The following ANK3 variants were observed in gnomAD, a reference collection of about 807,000 sequenced individuals.
ANK3 encodes ankyrin-3.
ANK3 carries 57 observed loss-of-function variants against 370.9 expected under a neutral mutation model. The observed-to-expected ratio is 0.15, with a 90% CI of 0.12 to 0.19. ANK3 has a LOEUF of 0.19. Among genes scored for constraint, ANK3 ranks in the 10% least tolerant of loss-of-function variants. The pLI is 1.00. For synonymous variants in ANK3, 1,929 were observed against 1,946.3 expected, an observed-to-expected ratio of 0.99 and a Z score of 0.23; for missense variants, 4,439 against 5,302.1, an observed-to-expected ratio of 0.84 and a Z score of 5.06.
chr10:60,102,138 G>A (rs569039346), intron 28 of ANK3, among the ~76,000 whole-genome samples: 2 of 149,946 alleles, frequency 1.3e-5, no homozygotes, highest in African/African-American at 4.9e-5. Context: ...GTGCCCACTT[G>A]GGGTGTATAC....
At chr10:60,542,957 AG>A (rs2076883060) in intron 2 of ANK3, among the ~76,000 whole-genome samples, 2 of 152,132 alleles carry the variant, frequency 1.3e-5, no homozygotes, top group African/African-American at 2.4e-5. Flanking sequence ...GCTTGTCCTT[AG>A]TATGGTTTTG....
At chr10:60,409,655 TCTC>T (rs2063520898) in intron 2 of ANK3, among the ~76,000 whole-genome samples, 1 of 152,018 alleles carries the variant, frequency 6.6e-6, no homozygotes, top group Non-Finnish European at 1.5e-5. Flanking sequence ...CTTTGGGACT[TCTC>T]CTCTCCCACT....
At chr10:60,377,815 C>T (rs887745778) in intron 1 of ANK3, among the ~76,000 whole-genome samples, 2 of 152,146 alleles carry the variant, frequency 1.3e-5, no homozygotes, top group Non-Finnish European at 2.9e-5. Context: ...AATTTCTAAG[C>T]CTTGATTTCC....
intron 1 of ANK3, among the ~76,000 whole-genome samples, chr10:60,633,645 T>A (rs1034700679): frequency 6.6e-6 from 1 of 152,130 alleles, no homozygotes. Flanking sequence ...ACAAGGATTT[T>A]AAAAAAATAG....
intron 2 of ANK3, among the ~76,000 whole-genome samples, chr10:60,579,533 C>T (rs906966449): frequency 6.6e-6 from 1 of 151,954 alleles, no homozygotes; most frequent in Non-Finnish European, 1.5e-5. Context: ...ATTGCCTCAG[C>T]CCCATGATCA....
chr10:60,409,581 CCTT>C (rs1477277435), intron 2 of ANK3, among the ~76,000 whole-genome samples: 1 of 152,120 alleles, frequency 6.6e-6, no homozygotes, highest in Admixed American at 6.5e-5. Context: ...GAGTCGGGCT[CCTT>C]CTGTTTCTGA....
At chr10:60,411,033 T>C (rs1214502528) in intron 2 of ANK3, among the ~76,000 whole-genome samples, 1 of 152,122 alleles carries the variant, frequency 6.6e-6, no homozygotes, top group Non-Finnish European at 1.5e-5. Flanking sequence ...TTGACCCAGC[T>C]ACCAAGGATC....
intron 2 of ANK3, among the ~76,000 whole-genome samples, chr10:60,553,302 G>GA (rs1357098057): frequency 6.6e-6 from 1 of 152,022 alleles, no homozygotes; most frequent in Non-Finnish European, 1.5e-5. Context: ...GATCACTAGT[G>GA]AAAAAACGAA....
At chr10:60,240,093 T>C (rs1173054914) in intron 7 of ANK3, among the ~76,000 whole-genome samples, 9 of 140,698 alleles carry the variant, frequency 6.4e-5, no homozygotes, top group South Asian at 4.4e-4. Flanking sequence ...ACACTATATA[T>C]ACACACACAT....
intron 23 of ANK3, among the ~76,000 whole-genome samples, chr10:60,157,996 A>G (rs2095396926): frequency 6.6e-6 from 1 of 152,020 alleles, no homozygotes; most frequent in Admixed American, 6.6e-5. Flanking sequence ...AGGGAACTTT[A>G]CAAACCTAGA....
At chr10:60,550,199 T>C (rs1452372633) in intron 2 of ANK3, among the ~76,000 whole-genome samples, 2 of 151,908 alleles carry the variant, frequency 1.3e-5, no homozygotes. Context: ...TTTATATAAG[T>C]ATATATTTTA....
chr10:60,276,607 A>G (rs2098093441), intron 4 of ANK3, among the ~76,000 whole-genome samples: 1 of 152,218 alleles, frequency 6.6e-6, no homozygotes. Flanking sequence ...TTACTGCATC[A>G]TAGGTGTGGA....
chr10:60,162,859 C>A (rs749798634), intron 23 of ANK3, among the ~76,000 whole-genome samples: 2 of 152,132 alleles, frequency 1.3e-5, no homozygotes, highest in Admixed American at 6.6e-5. Context: ...AATTCCACTT[C>A]TCATTATCTC....
chr10:60,365,252 A>G (rs1255668115), intron 1 of ANK3, among the ~76,000 whole-genome samples: 1 of 151,910 alleles, frequency 6.6e-6, no homozygotes, highest in East Asian at 1.9e-4. Flanking sequence ...TTGCTAAATG[A>G]TATTCAAGAA....
chr10:60,630,259 GA>G (rs1433097093), intron 1 of ANK3, among the ~76,000 whole-genome samples: 1 of 151,918 alleles, frequency 6.6e-6, no homozygotes, highest in African/African-American at 2.4e-5. Flanking sequence ...TACAGCTAAA[GA>G]AAAAAACTAA....
intron 2 of ANK3, among the ~76,000 whole-genome samples, chr10:60,539,314 TC>T (rs1255669469): frequency 1.3e-5 from 2 of 151,882 alleles, no homozygotes; most frequent in Non-Finnish European, 2.9e-5. Context: ...CTTGGCATGG[TC>T]CTTTGTTGTA....
chr10:60,466,884 T>A (rs2065023277), intron 2 of ANK3, among the ~76,000 whole-genome samples: 1 of 152,152 alleles, frequency 6.6e-6, no homozygotes, highest in Non-Finnish European at 1.5e-5. Context: ...AAAACATACA[T>A]CACTAGTCAC....
intron 2 of ANK3, among the ~76,000 whole-genome samples, chr10:60,461,456 A>T (rs943578885): frequency 4.6e-5 from 7 of 152,202 alleles, no homozygotes; most frequent in Non-Finnish European, 1.0e-4. Context: ...GAACATCCAA[A>T]CATGTTATGA....
chr10:60,467,307 C>T (rs959353103), intron 2 of ANK3, among the ~76,000 whole-genome samples: 2 of 152,174 alleles, frequency 1.3e-5, no homozygotes, highest in African/African-American at 4.8e-5. Context: ...GGCTTCAACA[C>T]AGCAATTCAT....
Sources: gnomAD v4.1 joint callset for allele counts (sites outside exome capture counted in the v4.1 genomes callset) on GRCh38, gnomAD v4.1.1 for gene constraint, MANE v1.5 for transcripts, NCBI Gene and HGNC (gene_info 2026-07-23, HGNC 2026-07-21) for gene names.